PTPRD: variants seen among roughly 807,000 people sequenced by gnomAD.
The protein encoded by PTPRD is receptor-type tyrosine-protein phosphatase delta.
In PTPRD, 34 loss-of-function variants were observed where a neutral mutation model predicts 214.5. That is an observed-to-expected ratio of 0.16 (90% CI 0.12 to 0.21). The LOEUF (loss-of-function observed/expected upper bound fraction) is 0.21, where lower values mean the gene tolerates loss of function less well. PTPRD is among the 10% of genes least tolerant of loss of function. PTPRD has a pLI of 1.00. For missense variants in PTPRD, 2,545 were observed against 2,398.7 expected, an observed-to-expected ratio of 1.06 and a Z score of -1.27; for synonymous variants, 1,128 against 845.7, an observed-to-expected ratio of 1.33 and a Z score of -5.79.
In PTPRD at chr9:10,565,453, A is replaced by C. The variant is rs536876050; in HGVS notation, c.-600+46945T>G. ...GTATTAAGAATGCTGAATTAGACAC[A>C]ATCTTGACTTTATACAGTTTATGAT... On this transcript the variant is annotated intron_variant, in intron 2 of 45. Transcript: ENST00000381196. Among the ~76,000 whole-genome samples, 4 of 152,220 alleles carry C rather than the reference A, an allele frequency of 2.6e-5. No homozygotes were observed. The South Asian group carries it at 8.3e-4, about 32-fold the overall frequency.
At chr9:8,688,098 CACTT>C (rs1215492543) in intron 12 of PTPRD, among the ~76,000 whole-genome samples, 3 of 152,232 alleles carry the variant, frequency 2.0e-5, no homozygotes, top group Admixed American at 6.5e-5. Context: ...CATCCTAGTC[CACTT>C]ACTTGGCGAG....
intron 12 of PTPRD, among the ~76,000 whole-genome samples, chr9:8,729,095 T>C (rs527396333): frequency 6.6e-6 from 1 of 152,336 alleles, no homozygotes; most frequent in South Asian, 2.1e-4. Flanking sequence ...AGAGGCACTG[T>C]ATTACTGTGT....
At chr9:8,620,979 C>T (rs893657423) in intron 14 of PTPRD, among the ~76,000 whole-genome samples, 72 of 151,902 alleles carry the variant, frequency 4.7e-4, no homozygotes, top group Non-Finnish European at 1.6e-4. Context: ...CTAAAGCTTA[C>T]GAAACTTTAA....
chr9:9,736,750 T>C (rs889298818), intron 6 of PTPRD, among the ~76,000 whole-genome samples: 1 of 152,016 alleles, frequency 6.6e-6, no homozygotes, highest in Non-Finnish European at 1.5e-5. Flanking sequence ...TCTGAGAAGG[T>C]TTTTTTAAGT....
intron 14 of PTPRD, among the ~76,000 whole-genome samples, chr9:8,540,468 C>G (rs2078120885): frequency 6.6e-6 from 1 of 151,916 alleles, no homozygotes; most frequent in East Asian, 1.9e-4. Context: ...AGTGATAACT[C>G]AAGAGCAAGG....
intron 44 of PTPRD, among the ~76,000 whole-genome samples, chr9:8,321,429 C>A (rs939432686): frequency 3.6e-5 from 5 of 138,408 alleles, no homozygotes; most frequent in African/African-American, 7.9e-5. Flanking sequence ...TCAGAACATT[C>A]CTAAATAAGA....
intron 5 of PTPRD, among the ~76,000 whole-genome samples, chr9:9,833,170 T>C (rs1163093175): frequency 6.6e-6 from 1 of 151,996 alleles, no homozygotes; most frequent in African/African-American, 2.4e-5. Flanking sequence ...AAGGGTTCTA[T>C]CAGGGGACCT....
At chr9:8,763,812 T>C (rs1169673342) in intron 11 of PTPRD, among the ~76,000 whole-genome samples, 1 of 152,206 alleles carries the variant, frequency 6.6e-6, no homozygotes, top group East Asian at 1.9e-4. Flanking sequence ...AATGAGACCA[T>C]GAGCACAAAG....
intron 2 of PTPRD, among the ~76,000 whole-genome samples, chr9:10,346,195 G>C (rs769257099): frequency 1.1e-4 from 16 of 152,254 alleles, no homozygotes; most frequent in Non-Finnish European, 1.9e-4. Context: ...TCTATGAAAA[G>C]AATTAGAAGC....
At chr9:10,082,322 G>A (rs2098252392) in intron 3 of PTPRD, among the ~76,000 whole-genome samples, 6 of 152,214 alleles carry the variant, frequency 3.9e-5, no homozygotes, top group South Asian at 4.1e-4. Flanking sequence ...CATTTGACCT[G>A]TGACTTGGGG....
At chr9:10,307,253 G>A (rs1189923670) in intron 3 of PTPRD, among the ~76,000 whole-genome samples, 6 of 151,956 alleles carry the variant, frequency 3.9e-5, no homozygotes, top group Middle Eastern at 3.4e-3. Flanking sequence ...AATCCTTCCC[G>A]GGATGTAACT....
intron 14 of PTPRD, among the ~76,000 whole-genome samples, chr9:8,605,851 A>C (rs2154282118): frequency 6.6e-6 from 1 of 152,258 alleles, no homozygotes; most frequent in East Asian, 1.9e-4. Context: ...TCATCCTACC[A>C]GCTATTACAG....
intron 35 of PTPRD, among the ~76,000 whole-genome samples, chr9:8,436,007 T>C (rs907323388): frequency 3.3e-5 from 5 of 152,256 alleles, no homozygotes; most frequent in Non-Finnish European, 7.3e-5. Context: ...TCTTTCTTTC[T>C]AGATGAGGAT....
chr9:8,650,953 T>C (rs1485720527), intron 12 of PTPRD, among the ~76,000 whole-genome samples: 2 of 152,072 alleles, frequency 1.3e-5, no homozygotes, highest in African/African-American at 4.8e-5. Flanking sequence ...TTTGCAGGCT[T>C]CCAAATATTC....
chr9:9,395,566 T>C (rs1405110002), intron 9 of PTPRD, among the ~76,000 whole-genome samples: 2 of 152,052 alleles, frequency 1.3e-5, no homozygotes, highest in Non-Finnish European at 2.9e-5. Context: ...AGACTCTGGG[T>C]TTCAGAATAT....
chr9:8,347,001 AAACATGCCATG>A (rs2074013393), intron 39 of PTPRD, among the ~76,000 whole-genome samples: 1 of 152,094 alleles, frequency 6.6e-6, no homozygotes, highest in Non-Finnish European at 1.5e-5. Flanking sequence ...ACATGAACAG[AAACATGCCATG>A]ACTGATGGCA....
chr9:10,188,864 C>T (rs543607000), intron 3 of PTPRD, among the ~76,000 whole-genome samples: 1 of 152,130 alleles, frequency 6.6e-6, no homozygotes, highest in Non-Finnish European at 1.5e-5. Flanking sequence ...CTAACAACCC[C>T]ACAACTTGGA....
At chr9:9,715,053 C>T (rs2097794479) in intron 7 of PTPRD, among the ~76,000 whole-genome samples, 1 of 152,052 alleles carries the variant, frequency 6.6e-6, no homozygotes, top group Non-Finnish European at 1.5e-5. Context: ...GCTGTGGTTT[C>T]GTAGAGAAGA....
intron 11 of PTPRD, among the ~76,000 whole-genome samples, chr9:8,926,379 T>C (rs2098892953): frequency 6.6e-6 from 1 of 152,158 alleles, no homozygotes; most frequent in Admixed American, 6.6e-5. Context: ...ATAATATTTA[T>C]TGGGTAAACA....
Sources: gnomAD v4.1 joint callset for allele counts (sites outside exome capture counted in the v4.1 genomes callset) on GRCh38, gnomAD v4.1.1 for gene constraint, MANE v1.5 for transcripts, NCBI Gene and HGNC (gene_info 2026-07-23, HGNC 2026-07-21) for gene names.